SPON2: variants seen among roughly 807,000 people sequenced by gnomAD.
The protein encoded by SPON2 is spondin 2, also known as spondin-2.
SPON2 carries 32 observed loss-of-function variants against 29.9 expected under a neutral mutation model. The ratio of observed to expected loss-of-function variants is 1.07; its 90% CI spans 0.81 to 1.44. SPON2 has a LOEUF of 1.44. Ranked by LOEUF, SPON2 falls within the 40% of genes most tolerant of loss-of-function variation. The probability of loss-of-function intolerance (pLI) is 0.00; values close to 1 mark genes in which losing one functional copy is unlikely to be tolerated. For missense variants in SPON2, 541 were observed against 455.5 expected (o/e 1.19, Z -1.71); for synonymous variants, 248 against 209.1 (o/e 1.19, Z -1.61).
At chr4:1,167,736 A>C in intron 5 of SPON2, 80 bp from the exon 6 acceptor site, 2 of 1,454,622 alleles carry the variant, frequency 1.4e-6, no homozygotes, top group Non-Finnish European at 1.8e-6. Flanking sequence ...CCTCCCACCA[A>C]CGTGTGCATT....
upstream of SPON2, chr4:1,208,705 G>A (rs1014179988): frequency 2.0e-5 from 3 of 152,278 alleles, no homozygotes; most frequent in Admixed American, 6.5e-5. Flanking sequence ...CGGTGCCAAC[G>A]CGTCAACGGT....
chr4:1,188,451 G>A (rs1727845992), intron 1 of SPON2, among the ~76,000 whole-genome samples: 1 of 152,150 alleles, frequency 6.6e-6, no homozygotes, highest in Non-Finnish European at 1.5e-5. Flanking sequence ...TAAGAACCAT[G>A]ATTCAACGCA....
At chr4:1,200,718 C>A in intron 1 of SPON2, 2 of 432,000 alleles carry the variant, frequency 4.6e-6, no homozygotes, top group Non-Finnish European at 4.7e-6. Context: ...GTGGACATCG[C>A]TGGACGGGGT....
At chr4:1,186,310 T>A (rs1377448127) in intron 1 of SPON2, among the ~76,000 whole-genome samples, 1 of 151,406 alleles carries the variant, frequency 6.6e-6, no homozygotes, top group African/African-American at 2.4e-5. Context: ...AGAAAATGTT[T>A]TTTTTTTTTT....
rs755238191 is a variant in SPON2 at position 1,167,595 on chromosome 4, G to A, written c.873C>T (p.Gly291=). ...SLWSSWGLCG[G]HCGRLGTKSR... is the part of the protein sequence containing the mutation. Reference sequence around the variant, plus strand: ...TCTTGGTCCCGAGCCTCCCACAGTGGCCTCCGCACAGTCCCCAGGACGACC... The same window carrying A: ...TCTTGGTCCCGAGCCTCCCACAGTGACCTCCGCACAGTCCCCAGGACGACC... The change falls in exon 6 of 6, where the codon GGC becomes GGT. Residue 291 remains glycine (G), a synonymous_variant. Coordinates refer to ENST00000290902, the MANE Select transcript of SPON2 (RefSeq NM_012445.4). The A allele has an allele frequency of 1.9e-6, 3 of 1,613,414 alleles. No homozygotes were observed. Among genetic ancestry groups the A allele is most frequent in the Admixed American group, 3.3e-5 (2 of 59,992 alleles).
chr4:1,186,054 C>CTAA (rs1185160402), intron 1 of SPON2, among the ~76,000 whole-genome samples: 4 of 148,762 alleles, frequency 2.7e-5, no homozygotes, highest in South Asian at 4.3e-4. Context: ...ACCATCCTGG[C>CTAA]TAACACGGTG....
chr4:1,185,639 C>T (rs576942341), intron 1 of SPON2, among the ~76,000 whole-genome samples: 53 of 132,238 alleles, frequency 4.0e-4, no homozygotes, highest in African/African-American at 1.3e-3. Context: ...ACCTGGGAGG[C>T]GGACATTGCA....
upstream of SPON2, among the ~76,000 whole-genome samples, chr4:1,173,366 G>A (rs1009241633): frequency 1.3e-5 from 2 of 152,140 alleles, no homozygotes; most frequent in East Asian, 3.9e-4. Context: ...GGTGGAACGC[G>A]CAGGGAGTCA....
intron 1 of SPON2, among the ~76,000 whole-genome samples, chr4:1,194,646 C>A (rs1728000382): frequency 6.6e-6 from 1 of 152,184 alleles, no homozygotes; most frequent in Non-Finnish European, 1.5e-5. Context: ...GACCTGCTCC[C>A]CAGCCTGGAA....
chr4:1,194,130 G>T lies in SPON2; in HGVS notation c.-239+860C>A, dbSNP rs550484347. 2.0e-5 allele frequency among the ~76,000 whole-genome samples: 3 copies of T among 152,188 alleles called. No homozygotes were observed. The South Asian group carries it at 6.2e-4, about 32-fold the overall frequency. ...TCCGGGGAGCTGCGGCCAGACTTTG[G>T]GCACAGCAGGCAGTGCCTATGGGGA... On this transcript the variant is annotated intron_variant, in intron 1 of 3. Coordinates refer to the SPON2 transcript ENST00000502483.
upstream of SPON2, among the ~76,000 whole-genome samples, chr4:1,174,812 C>T (rs781765409): frequency 1.3e-5 from 2 of 152,194 alleles, no homozygotes; most frequent in Non-Finnish European, 2.9e-5. Flanking sequence ...CATATCGGCT[C>T]CAGCACTTCA....
intron 1 of SPON2, among the ~76,000 whole-genome samples, chr4:1,204,566 G>C (rs755640932): frequency 2.0e-5 from 3 of 152,174 alleles, no homozygotes; most frequent in Non-Finnish European, 4.4e-5. Context: ...TGCAGCCTCC[G>C]GTGTGTGTTA....
At chr4:1,167,977 G>A (rs1243966996) in intron 5 of SPON2, 6 of 306,184 alleles carry the variant, frequency 2.0e-5, no homozygotes, top group Admixed American at 1.0e-4. Flanking sequence ...CCGGGAGAGG[G>A]CGGACACCCC....
chr4:1,191,539 G>A (rs1419324920), intron 1 of SPON2, among the ~76,000 whole-genome samples: 1 of 152,206 alleles, frequency 6.6e-6, no homozygotes, highest in Admixed American at 6.5e-5. Flanking sequence ...CAGGGTTGAG[G>A]AGCCAGTCTC....
intron 1 of SPON2, among the ~76,000 whole-genome samples, chr4:1,207,334 CTG>C (rs1185535545): frequency 6.6e-6 from 1 of 152,144 alleles, no homozygotes; most frequent in African/African-American, 2.4e-5. Context: ...CTGGCCCCGG[CTG>C]GCCCCGGCGT....
intron 5 of SPON2, among the ~76,000 whole-genome samples, chr4:1,169,044 G>A (rs1727336306): frequency 6.6e-6 from 1 of 151,978 alleles, no homozygotes; most frequent in South Asian, 2.1e-4. Flanking sequence ...TTCTCTCCAT[G>A]TCCTGCCTCC....
At chr4:1,194,186 C>T (rs936648670) in intron 1 of SPON2, among the ~76,000 whole-genome samples, 5 of 152,116 alleles carry the variant, frequency 3.3e-5, no homozygotes, top group African/African-American at 4.8e-5. Flanking sequence ...CCTCCCTCCA[C>T]CCCCAGCCCC....
At chr4:1,207,309 C>T (rs1728366645) in intron 1 of SPON2, among the ~76,000 whole-genome samples, 1 of 152,138 alleles carries the variant, frequency 6.6e-6, no homozygotes, top group Non-Finnish European at 1.5e-5. Flanking sequence ...CTCCGTCCCA[C>T]CAGTGTCCAC....
At position 1,192,711 on chromosome 4, in the gene SPON2, G is replaced by A. The variant is rs542286109; in HGVS notation, c.-239+2279C>T. Among the ~76,000 whole-genome samples the A allele has an allele frequency of 6.6e-5, 10 of 152,292 alleles. No homozygotes were observed. In the South Asian group the frequency reaches 1.0e-3, roughly 16 times the overall value. ...CCTGGATTCTAGGAAGGCTTGGGGGGTACGGCCATCCTGCTGGAAGCCTTT... is the reference window on the plus strand; with the variant it reads ...CCTGGATTCTAGGAAGGCTTGGGGGATACGGCCATCCTGCTGGAAGCCTTT... On this transcript the variant is annotated intron_variant, in intron 1 of 3. Coordinates refer to the SPON2 transcript ENST00000502483.
Sources: gnomAD v4.1 joint callset for allele counts (sites outside exome capture counted in the v4.1 genomes callset) on GRCh38, gnomAD v4.1.1 for gene constraint, MANE v1.5 for transcripts, NCBI Gene and HGNC (gene_info 2026-07-23, HGNC 2026-07-21) for gene names.